EPB41: variants seen among roughly 807,000 people sequenced by gnomAD.
EPB41 encodes the protein erythrocyte membrane protein band 4.1, also known as protein 4.1.
EPB41 carries 65 observed loss-of-function variants against 108.0 expected under a neutral mutation model. The ratio of observed to expected loss-of-function variants is 0.60; its 90% CI spans 0.49 to 0.74. EPB41 has a LOEUF of 0.74. EPB41 is among the 30% of genes least tolerant of loss of function. The pLI, the probability that EPB41 is intolerant of heterozygous loss-of-function variation, is 0.00. For synonymous variants in EPB41, 336 were observed against 358.9 expected (o/e 0.94, Z 0.72); for missense variants, 875 against 1,037.0 (o/e 0.84, Z 2.15).
intron 1 of EPB41, among the ~76,000 whole-genome samples, chr1:28,961,774 T>G (rs578194730): frequency 4.5e-4 from 69 of 152,360 alleles, no homozygotes; most frequent in South Asian, 3.5e-3. Flanking sequence ...TCACTCAAGT[T>G]TGATTCTTCC....
chr1:29,100,939 A>AG (rs1665131350), intron 17 of EPB41, among the ~76,000 whole-genome samples: 1 of 150,654 alleles, frequency 6.6e-6, no homozygotes, highest in Non-Finnish European at 1.5e-5. Context: ...AAAAAAAAAA[A>AG]GAGGGCCGGG....
At chr1:29,107,221 A>C (rs1667511314) in intron 17 of EPB41, among the ~76,000 whole-genome samples, 1 of 152,082 alleles carries the variant, frequency 6.6e-6, no homozygotes, top group Admixed American at 6.6e-5. Flanking sequence ...AAATCAAATA[A>C]ATGAGAAAAC....
At chr1:29,105,743 C>CTTTTTT (rs63685960) in intron 17 of EPB41, among the ~76,000 whole-genome samples, 15 of 91,096 alleles carry the variant, frequency 1.6e-4, no homozygotes, top group East Asian at 3.3e-4. Context: ...ATGTACAGAT[C>CTTTTTT]TTTTTTTTTT....
chr1:28,929,789 C>G (rs2093641358), intron 1 of EPB41, among the ~76,000 whole-genome samples: 1 of 151,116 alleles, frequency 6.6e-6, no homozygotes, highest in Non-Finnish European at 1.5e-5. Context: ...CCGCCTTGGC[C>G]TCCCAAAGTG....
At chr1:29,037,362 G>C (rs982427408) in intron 10 of EPB41, among the ~76,000 whole-genome samples, 1 of 152,118 alleles carries the variant, frequency 6.6e-6, no homozygotes, top group African/African-American at 2.4e-5. Flanking sequence ...GATTACAGGC[G>C]TGAGCCACTG....
chr1:28,894,398 G>T lies in EPB41; in HGVS notation c.-8+7188G>T, dbSNP rs373432833. On this transcript the variant is annotated intron_variant, in intron 1 of 16. Transcript: ENST00000347529. ...GATATAAAGGGCCCAGCATGATAGGGGCTCAGTGAATGTGAATTCCCTATT... is the reference window on the plus strand; with the variant it reads ...GATATAAAGGGCCCAGCATGATAGGTGCTCAGTGAATGTGAATTCCCTATT... Among the ~76,000 whole-genome samples the T allele has an allele frequency of 3.3e-5, 5 of 152,156 alleles. No homozygotes were observed. In the East Asian group the frequency reaches 7.7e-4, roughly 23 times the overall value.
intron 5 of EPB41, among the ~76,000 whole-genome samples, chr1:29,015,105 A>C (rs932363298): frequency 2.6e-5 from 4 of 152,224 alleles, no homozygotes; most frequent in African/African-American, 9.6e-5. Flanking sequence ...TTGTTTATGT[A>C]GTTCTAATCC....
chr1:29,060,770 T>G (rs1646379643), intron 15 of EPB41, among the ~76,000 whole-genome samples: 1 of 152,236 alleles, frequency 6.6e-6, no homozygotes, highest in Non-Finnish European at 1.5e-5. Flanking sequence ...TAGAAAATTC[T>G]ACACCATTGC....
At position 29,039,377 on chromosome 1, in the gene EPB41, A is replaced by G; in HGVS notation, c.1587A>G (p.Pro529=). 6.2e-7 allele frequency: 1 copy of G among 1,614,124 alleles called. No homozygotes were observed. ...QASALIDRPA[P]HFERTASKRA... Reference sequence around the variant, plus strand: ...GTGCTCTAATTGACAGGCCTGCCCCACACTTCGAGCGTACAGCAAGTAAAC... The same window carrying G: ...GTGCTCTAATTGACAGGCCTGCCCCGCACTTCGAGCGTACAGCAAGTAAAC... The change falls in exon 11 of 21, where the codon CCA becomes CCG. Residue 529 remains proline, a synonymous_variant. Coordinates refer to ENST00000343067, the MANE Select transcript of EPB41 (RefSeq NM_001376013.1).
intron 11 of EPB41, chr1:29,041,201 C>T (rs1005266566): frequency 2.7e-5 from 4 of 150,190 alleles, no homozygotes; most frequent in African/African-American, 4.9e-5. Context: ...TCAGAAGGGC[C>T]GGGCATGGTG....
intron 16 of EPB41, among the ~76,000 whole-genome samples, chr1:29,093,110 T>C (rs1472698557): frequency 6.6e-6 from 1 of 152,244 alleles, no homozygotes; most frequent in African/African-American, 2.4e-5. Context: ...TGTTTTTAGC[T>C]CCTTGAGGAA....
intron 16 of EPB41, among the ~76,000 whole-genome samples, chr1:29,081,848 A>C (rs1001253352): frequency 2.6e-5 from 4 of 151,788 alleles, no homozygotes; most frequent in Non-Finnish European, 5.9e-5. Context: ...AAAAAAAAAA[A>C]AAAACCTAAC....
At chr1:28,936,265 TAAG>T (rs937830488) in intron 1 of EPB41, among the ~76,000 whole-genome samples, 2 of 152,158 alleles carry the variant, frequency 1.3e-5, no homozygotes, top group Non-Finnish European at 2.9e-5. Flanking sequence ...CAGTTAGAGA[TAAG>T]AAAACTGTGG....
At chr1:29,106,260 G>A (rs1050449875) in intron 17 of EPB41, among the ~76,000 whole-genome samples, 3 of 152,152 alleles carry the variant, frequency 2.0e-5, no homozygotes, top group Admixed American at 6.5e-5. Flanking sequence ...TAGAGGGAGC[G>A]GGCAGGAGGT....
At chr1:29,060,298 A>C in intron 14 of EPB41, 124 bp from the exon 15 acceptor site, 1 of 736,540 alleles carries the variant, frequency 1.4e-6, no homozygotes, top group South Asian at 1.6e-5. Context: ...TCATGTTGGC[A>C]TATGCTGCGC....
At chr1:29,079,621 G>A (rs1655580565) in intron 16 of EPB41, among the ~76,000 whole-genome samples, 1 of 152,006 alleles carries the variant, frequency 6.6e-6, no homozygotes, top group Non-Finnish European at 1.5e-5. Flanking sequence ...ATGTTGGCCA[G>A]GCTGGTCTCA....
chr1:28,988,751 T>C (rs2095933320), intron 2 of EPB41, among the ~76,000 whole-genome samples: 2 of 152,168 alleles, frequency 1.3e-5, no homozygotes, highest in African/African-American at 4.8e-5. Context: ...AGGGTCTTGC[T>C]ATTTTGCCCA....
At chr1:29,074,767 A>G (rs1429679655) in intron 16 of EPB41, among the ~76,000 whole-genome samples, 1 of 152,256 alleles carries the variant, frequency 6.6e-6, no homozygotes, top group Non-Finnish European at 1.5e-5. Flanking sequence ...TTGTTCCCAC[A>G]TATCAGAAAT....
chr1:28,963,344 C>CGTGT (rs57558766), intron 1 of EPB41, among the ~76,000 whole-genome samples: 33,800 of 146,146 alleles, frequency 0.23, 4,311 homozygotes, highest in East Asian at 0.63. Context: ...AAATCAGAAT[C>CGTGT]GTGTGTGTGT....
Sources: gnomAD v4.1 joint callset for allele counts (sites outside exome capture counted in the v4.1 genomes callset) on GRCh38, gnomAD v4.1.1 for gene constraint, MANE v1.5 for transcripts, NCBI Gene and HGNC (gene_info 2026-07-23, HGNC 2026-07-21) for gene names.